Variants in AUTS2 observed in about 807,000 individuals in gnomAD.
The protein encoded by AUTS2 is autism susceptibility gene 2 protein.
In AUTS2, 17 loss-of-function variants were observed where a neutral mutation model predicts 112.4. That is an observed-to-expected ratio of 0.15 (90% CI 0.10 to 0.23). The LOEUF is 0.23. AUTS2 is among the 10% of genes least tolerant of loss of function. AUTS2 has a pLI of 1.00. For missense variants in AUTS2, 1,510 were observed against 1,701.6 expected (o/e 0.89, Z 1.98); for synonymous variants, 751 against 702.7 (o/e 1.07, Z -1.09).
intron 5 of AUTS2, among the ~76,000 whole-genome samples, chr7:70,535,168 T>G (rs1374415075): frequency 1.3e-5 from 2 of 152,096 alleles, no homozygotes; most frequent in Non-Finnish European, 2.9e-5. Flanking sequence ...TCCCTCATTG[T>G]GAAATGGGGA....
intron 2 of AUTS2, among the ~76,000 whole-genome samples, chr7:69,964,288 C>T (rs1387367883): frequency 6.6e-6 from 1 of 152,166 alleles, no homozygotes; most frequent in Non-Finnish European, 1.5e-5. Context: ...CTTCTTTTAT[C>T]ACTGTAGTGT....
intron 11 of AUTS2, among the ~76,000 whole-genome samples, chr7:70,773,702 C>T (rs1036329511): frequency 1.3e-5 from 2 of 152,256 alleles, no homozygotes; most frequent in African/African-American, 4.8e-5. Context: ...GTGGCAGTCC[C>T]TGCCATGGGT....
chr7:69,908,268 C>T (rs775604658), intron 2 of AUTS2, among the ~76,000 whole-genome samples: 1 of 152,206 alleles, frequency 6.6e-6, no homozygotes, highest in African/African-American at 2.4e-5. Context: ...TGCTTTGCCA[C>T]AGGAACCCAG....
rs760534977 is a variant in AUTS2, at chr7:70,457,338, C to T, written c.690+21557C>T. Among the ~76,000 whole-genome samples, 70 of 152,156 alleles carry T rather than the reference C, an allele frequency of 4.6e-4. 1 individual carries two copies. The highest frequency in any genetic ancestry group is 2.2e-3 in the Admixed American group (33 of 15,280). On this transcript the variant is annotated intron_variant, in intron 5 of 18. Transcript: ENST00000342771. Reference sequence around the variant, plus strand: ...GCCACAGGTGGTGCTTAGTAGCCATCGCCTTATTAAAAATGCCAGTGATCA... The same window carrying T: ...GCCACAGGTGGTGCTTAGTAGCCATTGCCTTATTAAAAATGCCAGTGATCA...
At chr7:69,923,004 C>A (rs190713730) in intron 2 of AUTS2, among the ~76,000 whole-genome samples, 79 of 152,264 alleles carry the variant, frequency 5.2e-4, no homozygotes, top group Admixed American at 2.0e-3. Context: ...CCAGTTGTTA[C>A]AATATCAGTT....
chr7:70,174,719 A>G (rs1808892682), intron 4 of AUTS2, among the ~76,000 whole-genome samples: 1 of 152,216 alleles, frequency 6.6e-6, no homozygotes, highest in African/African-American at 2.4e-5. Flanking sequence ...ATAAAACAAC[A>G]AAGCTGGGAT....
At chr7:70,227,314 T>TAA (rs35985477) in intron 4 of AUTS2, among the ~76,000 whole-genome samples, 155 of 144,872 alleles carry the variant, frequency 1.1e-3, no homozygotes, top group Non-Finnish European at 1.4e-3. Flanking sequence ...CTCATGCATT[T>TAA]AAAAAAAAAA....
intron 1 of AUTS2, among the ~76,000 whole-genome samples, chr7:69,811,830 TC>T (rs1019119117): frequency 1.3e-5 from 2 of 152,212 alleles, no homozygotes; most frequent in African/African-American, 2.4e-5. Context: ...CTGTGTGTTT[TC>T]CCTCTGGATT....
chr7:70,106,140 GTCTTT>G (rs1462593264), intron 2 of AUTS2, among the ~76,000 whole-genome samples: 1 of 152,128 alleles, frequency 6.6e-6, no homozygotes, highest in Non-Finnish European at 1.5e-5. Flanking sequence ...AAATGGGAGG[GTCTTT>G]ATACATCTTC....
At chr7:70,674,754 A>G (rs1807824346) in intron 5 of AUTS2, among the ~76,000 whole-genome samples, 1 of 152,214 alleles carries the variant, frequency 6.6e-6, no homozygotes, top group Non-Finnish European at 1.5e-5. Context: ...GGCTCAAGAA[A>G]GCATGCAGTA....
At chr7:70,043,330 C>T (rs1801328260) in intron 2 of AUTS2, among the ~76,000 whole-genome samples, 1 of 152,236 alleles carries the variant, frequency 6.6e-6, no homozygotes, top group South Asian at 2.1e-4. Flanking sequence ...CCTCCCCTCC[C>T]CTCCTCTCCC....
intron 4 of AUTS2, among the ~76,000 whole-genome samples, chr7:70,209,556 T>G (rs1810748973): frequency 6.6e-6 from 1 of 151,734 alleles, no homozygotes; most frequent in Non-Finnish European, 1.5e-5. Context: ...GAGAACAGAG[T>G]CTCATTTATA....
In AUTS2 at chr7:70,395,449, G is replaced by A. The variant is rs539538296; in HGVS notation, c.661-40303G>A. ...GCTCTATTCTTTCCTAATTATCAGC[G>A]TCTTTTTGCCCATTGTGATATTTAA... On this transcript the variant is annotated intron_variant, in intron 4 of 18. Transcript: ENST00000342771. Among the ~76,000 whole-genome samples the A allele has an allele frequency of 1.4e-4, 21 of 152,276 alleles. 1 individual carries two copies. In the South Asian group the frequency reaches 2.7e-3, roughly 20 times the overall value.
rs1791963901 is a variant in AUTS2, at chr7:70,791,559, T to G, written c.*563T>G. ...CAGTGAACACAGTCGGCTAAAGCTGTGTTCCCATATATTGTTATAGACAGC... is the reference window on the plus strand; with the variant it reads ...CAGTGAACACAGTCGGCTAAAGCTGGGTTCCCATATATTGTTATAGACAGC... On this transcript the variant is annotated 3_prime_UTR_variant, in exon 19 of 19. Coordinates refer to ENST00000342771, the MANE Select transcript of AUTS2 (RefSeq NM_015570.4). 6.5e-6 allele frequency: 1 copy of G among 152,724 alleles called. No homozygotes were observed. The highest frequency in any genetic ancestry group is 6.5e-5 in the Admixed American group (1 of 15,292). The allele number at this position is 152,724 out of a possible 1,614,324, so 9.5% of individuals were successfully genotyped here.
At chr7:69,979,772 G>T (rs1798217500) in intron 2 of AUTS2, among the ~76,000 whole-genome samples, 1 of 152,200 alleles carries the variant, frequency 6.6e-6, no homozygotes, top group African/African-American at 2.4e-5. Flanking sequence ...GCCTGTAATA[G>T]CTTCTTGTTG....
chr7:70,352,020 T>C (rs973291727), intron 4 of AUTS2, among the ~76,000 whole-genome samples: 2 of 152,236 alleles, frequency 1.3e-5, no homozygotes, highest in Admixed American at 1.3e-4. Flanking sequence ...TTATTTTTAA[T>C]AGCTAACAAT....
intron 5 of AUTS2, among the ~76,000 whole-genome samples, chr7:70,479,356 C>T (rs1049088575): frequency 9.9e-5 from 15 of 152,090 alleles, no homozygotes; most frequent in African/African-American, 3.4e-4. Context: ...AGTCCAGCAC[C>T]GCCCCTGACC....
At chr7:70,421,698 C>T (rs1482136461) in intron 4 of AUTS2, among the ~76,000 whole-genome samples, 1 of 152,178 alleles carries the variant, frequency 6.6e-6, no homozygotes, top group African/African-American at 2.4e-5. Flanking sequence ...TTTCAGTCCC[C>T]TTGATTTTAA....
chr7:70,610,735 A>G (rs1392125534), intron 5 of AUTS2, among the ~76,000 whole-genome samples: 2 of 152,150 alleles, frequency 1.3e-5, no homozygotes, highest in African/African-American at 2.4e-5. Context: ...TTCCCTGATT[A>G]TTAGTGCCGT....
Sources: allele counts gnomAD v4.1 joint callset (sites outside exome capture counted in the v4.1 genomes callset), GRCh38; gene constraint gnomAD v4.1.1; transcripts MANE v1.5; gene names NCBI Gene and HGNC (gene_info 2026-07-23, HGNC 2026-07-21).